The following ARHGAP19 variants were observed in gnomAD, a reference collection of about 807,000 sequenced individuals.
The protein encoded by ARHGAP19 is Rho GTPase activating protein 19, also known as rho GTPase-activating protein 19.
A neutral mutation model predicts 60.9 loss-of-function variants in ARHGAP19; 48 were observed. The observed-to-expected ratio is 0.79, with a 90% CI of 0.62 to 1.00. ARHGAP19 has a LOEUF of 1.00. Among genes scored for constraint, ARHGAP19 ranks in the 50% least tolerant of loss-of-function variants. The probability of loss-of-function intolerance (pLI) is 0.00; values close to 1 mark genes in which losing one functional copy is unlikely to be tolerated. For missense variants in ARHGAP19, 562 were observed against 597.2 expected (o/e 0.94, Z 0.61); for synonymous variants, 209 against 215.5 (o/e 0.97, Z 0.27).
chr10:97,243,938 C>A (rs1348001610), intron 8 of ARHGAP19, 30 bp downstream of exon 8: 6 of 1,552,168 alleles, frequency 3.9e-6, no homozygotes, highest in African/African-American at 1.4e-5. Context: ...ACTCCTAAAG[C>A]CCCATCACAA....
intron 4 of ARHGAP19, among the ~76,000 whole-genome samples, chr10:97,260,420 C>T (rs1842815368): frequency 6.6e-6 from 1 of 151,770 alleles, no homozygotes; most frequent in South Asian, 2.1e-4. Context: ...GTCCCAGCTA[C>T]TCAGGAGGCA....
intron 1 of ARHGAP19, 125 bp downstream of exon 1, chr10:97,292,447 A>G: frequency 7.8e-7 from 1 of 1,282,108 alleles, no homozygotes; most frequent in Non-Finnish European, 1.1e-6. Flanking sequence ...AGGCGCGACG[A>G]TGAGAAACGC....
intron 8 of ARHGAP19, among the ~76,000 whole-genome samples, chr10:97,242,644 C>T (rs1842507098): frequency 6.6e-6 from 1 of 152,200 alleles, no homozygotes; most frequent in South Asian, 2.1e-4. Flanking sequence ...TCCCGAGTAG[C>T]TGGGATTACA....
At chr10:97,246,588 G>A (rs897397336) in intron 6 of ARHGAP19, among the ~76,000 whole-genome samples, 1 of 152,076 alleles carries the variant, frequency 6.6e-6, no homozygotes, top group Non-Finnish European at 1.5e-5. Context: ...ATCAAACATG[G>A]CATGTATATA....
At chr10:97,274,853 T>C (rs1383357560) in intron 1 of ARHGAP19, among the ~76,000 whole-genome samples, 1 of 152,182 alleles carries the variant, frequency 6.6e-6, no homozygotes, top group Non-Finnish European at 1.5e-5. Flanking sequence ...TCCCAAAGAA[T>C]GATAGAGGCA....
chr10:97,279,957 G>A (rs1843062754), intron 1 of ARHGAP19, among the ~76,000 whole-genome samples: 1 of 152,122 alleles, frequency 6.6e-6, no homozygotes, highest in Non-Finnish European at 1.5e-5. Context: ...AGAATGATGA[G>A]TATAAATAAT....
At chr10:97,243,429 T>A (rs901042215) in intron 8 of ARHGAP19, among the ~76,000 whole-genome samples, 4 of 152,204 alleles carry the variant, frequency 2.6e-5, no homozygotes, top group Non-Finnish European at 5.9e-5. Flanking sequence ...AGCTCCAGCA[T>A]AAACAAACTT....
chr10:97,273,490 T>A (rs1842986539), intron 1 of ARHGAP19, among the ~76,000 whole-genome samples: 1 of 140,442 alleles, frequency 7.1e-6, no homozygotes, highest in Non-Finnish European at 1.5e-5. Flanking sequence ...CTCTCTTTTT[T>A]TTTTTTTTTT....
chr10:97,258,724 T>G (rs1842788313), intron 5 of ARHGAP19: 1 of 152,364 alleles, frequency 6.6e-6, no homozygotes, highest in African/African-American at 2.4e-5. Flanking sequence ...ATTGTGTTAC[T>G]CTCCTCCAGC....
In ARHGAP19 at chr10:97,263,527, CCT is replaced by C. The variant is rs770611211; in HGVS notation, c.504_505del (p.Glu170IlefsTer5). The C allele has an allele frequency of 9.3e-6, 15 of 1,613,998 alleles. No individual in the cohort carries two copies. Among genetic ancestry groups the C allele is most frequent in the Middle Eastern group, 1.6e-4 (1 of 6,084 alleles). On this transcript the variant is annotated frameshift_variant, in exon 4 of 12. Transcript: ENST00000358531. LOFTEE classifies it high-confidence loss of function. ...GGCAACATCATTTGAGTGAAATTCC[CCT>C]GATTCCAAGTCAATGTCAGTTCCAT...
Position 97,292,600 on chromosome 10 carries a change from C to G in ARHGAP19, c.28G>C (p.Glu10Gln), listed in dbSNP as rs373969394. MATEAQSEGEVPARESGRSD... is the reference protein window; with the variant it reads MATEAQSEGQVPARESGRSD... ...CGGCCGGATTCGCGGGCTGGCACCT[C>G]CCCTTCACTCTGTGCCTCAGTCGCC... The change falls in exon 1 of 12, where the codon GAG (glutamate) becomes CAG (glutamine). Residue 10 changes from glutamate to glutamine, a missense_variant. Physicochemically the swap from Glu to Gln is conservative, Grantham distance 29 (BLOSUM62 2). Transcript: ENST00000358531. The G allele has an allele frequency of 7.4e-5, 120 of 1,614,092 alleles. No individual in the cohort carries two copies. Among genetic ancestry groups the G allele is most frequent in the Non-Finnish European group, 9.6e-5 (113 of 1,180,044 alleles).
intron 8 of ARHGAP19, among the ~76,000 whole-genome samples, chr10:97,242,212 T>C (rs891726796): frequency 6.7e-6 from 1 of 149,876 alleles, no homozygotes; most frequent in African/African-American, 2.4e-5. Flanking sequence ...GCCCACAACA[T>C]AAACACTGGC....
At chr10:97,271,659 T>C (rs1049058103) in intron 1 of ARHGAP19, among the ~76,000 whole-genome samples, 7 of 152,100 alleles carry the variant, frequency 4.6e-5, no homozygotes, top group Non-Finnish European at 1.0e-4. Context: ...AGGTGGTATA[T>C]TTTTATTCTC....
intron 4 of ARHGAP19, among the ~76,000 whole-genome samples, chr10:97,260,296 C>A (rs1053943106): frequency 6.7e-6 from 1 of 148,276 alleles, no homozygotes; most frequent in African/African-American, 2.5e-5. Context: ...TTTGAGAGGC[C>A]GAGGCGGGCG....
At position 97,222,709 on chromosome 10, in the gene ARHGAP19, T is replaced by C. The variant is rs1850826249; in HGVS notation, c.*3413A>G. The C allele has an allele frequency of 6.6e-6, 1 of 152,186 alleles. No homozygotes were observed. The highest frequency in any genetic ancestry group is 1.5e-5 in the Non-Finnish European group (1 of 68,042). 9.4% of individuals were successfully genotyped at this position (152,186 alleles called of 1,614,324 possible). On this transcript the variant is annotated 3_prime_UTR_variant, in exon 12 of 12. Coordinates refer to ENST00000358531, the MANE Select transcript of ARHGAP19 (RefSeq NM_032900.6). The stretch of plus-strand genomic sequence containing the variant: ...TAGACAATCCCACAAAATGCTAGTA[T>C]CTAGGTTTAGATCTAGGTCCTGTCT...
rs563912633 is a variant in ARHGAP19, at chr10:97,284,332, A to G, written c.56+8240T>C. On this transcript the variant is annotated intron_variant, in intron 1 of 11. Coordinates refer to ENST00000358531, the MANE Select transcript of ARHGAP19 (RefSeq NM_032900.6). Reference sequence around the variant, plus strand: ...GAGACAGGGTTTCACCATGTTGGCCAGGCTGGTCTCGAACTACTGACCTCA... The same window carrying G: ...GAGACAGGGTTTCACCATGTTGGCCGGGCTGGTCTCGAACTACTGACCTCA... Among the ~76,000 whole-genome samples the G allele has an allele frequency of 3.3e-5, 5 of 152,268 alleles. No individual in the cohort carries two copies. In the South Asian group the frequency reaches 6.2e-4, roughly 19 times the overall value.
At chr10:97,280,435 A>G (rs1843069087) in intron 1 of ARHGAP19, among the ~76,000 whole-genome samples, 2 of 152,122 alleles carry the variant, frequency 1.3e-5, no homozygotes, top group Non-Finnish European at 2.9e-5. Flanking sequence ...ATTAAAAGAA[A>G]AAAAAGGTAA....
chr10:97,234,124 G>C (rs2134816218), intron 9 of ARHGAP19, among the ~76,000 whole-genome samples: 1 of 151,326 alleles, frequency 6.6e-6, no homozygotes, highest in African/African-American at 2.4e-5. Flanking sequence ...AAAATTAGCT[G>C]GGCATGGTGG....
At chr10:97,281,519 A>G (rs981418884) in intron 1 of ARHGAP19, among the ~76,000 whole-genome samples, 3 of 152,238 alleles carry the variant, frequency 2.0e-5, no homozygotes, top group African/African-American at 7.2e-5. Context: ...TTTCTGAGAC[A>G]TATGGTACCC....
Sources: gnomAD v4.1 joint callset for allele counts (sites outside exome capture counted in the v4.1 genomes callset) on GRCh38, gnomAD v4.1.1 for gene constraint, MANE v1.5 for transcripts, NCBI Gene and HGNC (gene_info 2026-07-23, HGNC 2026-07-21) for gene names.